Variants in RASGRF1 observed in about 807,000 individuals in gnomAD.
RASGRF1 encodes ras-specific guanine nucleotide-releasing factor 1.
RASGRF1 carries 40 observed loss-of-function variants against 138.7 expected under a neutral mutation model. That is an observed-to-expected ratio of 0.29 (90% CI 0.22 to 0.38). RASGRF1 has a LOEUF of 0.38. RASGRF1 is among the 10% of genes least tolerant of loss of function. RASGRF1 has a pLI of 1.00. For missense variants in RASGRF1, 1,108 were observed against 1,650.4 expected (o/e 0.67, Z 5.69); for synonymous variants, 614 against 663.2 (o/e 0.93, Z 1.14).
At chr15:79,047,961 C>T (rs757759012) in intron 4 of RASGRF1, among the ~76,000 whole-genome samples, 5 of 118,836 alleles carry the variant, frequency 4.2e-5, no homozygotes, top group African/African-American at 1.1e-4. Context: ...GAGGCCTGCC[C>T]GAGGCCCAAG....
intron 25 of RASGRF1, among the ~76,000 whole-genome samples, chr15:78,972,331 A>G (rs988114371): frequency 2.6e-5 from 4 of 151,290 alleles, no homozygotes; most frequent in African/African-American, 9.7e-5. Flanking sequence ...TCTGACCTCA[A>G]GTGATCCACC....
At chr15:79,028,578 G>A (rs901834057) in intron 8 of RASGRF1, among the ~76,000 whole-genome samples, 13 of 152,074 alleles carry the variant, frequency 8.5e-5, no homozygotes, top group African/African-American at 2.4e-4. Flanking sequence ...ACAAAATGGC[G>A]TTGGTGGGAA....
intron 1 of RASGRF1, among the ~76,000 whole-genome samples, chr15:79,069,178 A>C (rs2057721812): frequency 6.6e-6 from 1 of 152,144 alleles, no homozygotes; most frequent in South Asian, 2.1e-4. Context: ...CCTAGTACTG[A>C]GTGGATGCTG....
intron 10 of RASGRF1, among the ~76,000 whole-genome samples, chr15:79,021,707 T>C (rs1365639134): frequency 6.6e-6 from 1 of 152,200 alleles, no homozygotes; most frequent in East Asian, 1.9e-4. Flanking sequence ...CTGGCTGGGT[T>C]CAAATCCCAG....
chr15:78,978,110 G>C (rs1199213792), intron 24 of RASGRF1, among the ~76,000 whole-genome samples: 3 of 152,130 alleles, frequency 2.0e-5, no homozygotes, highest in African/African-American at 7.2e-5. Flanking sequence ...AGTGGCTAGT[G>C]GGGTGTTTGG....
chr15:79,064,573 CCAA>C (rs2057651671), intron 1 of RASGRF1, 47 bp from the exon 2 acceptor site: 1 of 1,553,838 alleles, frequency 6.4e-7, no homozygotes, highest in Non-Finnish European at 8.9e-7. Context: ...GTCCATGGGA[CCAA>C]CAACGACTCT....
intron 26 of RASGRF1, 104 bp downstream of exon 26, chr15:78,971,762 T>C (rs2055765181): frequency 8.2e-6 from 9 of 1,102,094 alleles, no homozygotes; most frequent in East Asian, 2.4e-5. Flanking sequence ...CTCGAGAGAA[T>C]TCTGGAAGGG....
At chr15:78,964,210 T>C (rs1011607088) in intron 26 of RASGRF1, among the ~76,000 whole-genome samples, 3 of 152,236 alleles carry the variant, frequency 2.0e-5, no homozygotes, top group East Asian at 1.9e-4. Context: ...ATTTCATTCT[T>C]GTCACCCAGG....
intron 6 of RASGRF1, among the ~76,000 whole-genome samples, chr15:79,034,410 A>C (rs2057189557): frequency 6.6e-6 from 1 of 152,252 alleles, no homozygotes; most frequent in South Asian, 2.1e-4. Context: ...AATATGTATG[A>C]AGCAAGAGCT....
chr15:78,994,398 A>AG (rs1567471092), intron 20 of RASGRF1, among the ~76,000 whole-genome samples: 1 of 152,210 alleles, frequency 6.6e-6, no homozygotes, highest in African/African-American at 2.4e-5. Context: ...CAGGGGCAGC[A>AG]GGGGCCCAGA....
chr15:79,004,096 G>A lies in RASGRF1; in HGVS notation c.2155C>T (p.Arg719Cys), dbSNP rs749995837. 21 of 1,613,832 alleles carry A rather than the reference G, an allele frequency of 1.3e-5. No individual in the cohort carries two copies. The East Asian group carries it at 1.6e-4, about 12-fold the overall frequency. ...AGAGGTGGCGGCGAGGAGAACTTGCGGGTGGCGCGCGGGGACTTGGGGGGT... is the reference window on the plus strand; with the variant it reads ...AGAGGTGGCGGCGAGGAGAACTTGCAGGTGGCGCGCGGGGACTTGGGGGGT... The part of the protein sequence containing the change: ...GEPPKSPRAT[R>C]KFSSPPPLSI... Residue 719 changes from arginine (R) to cysteine (C), a missense_variant, in exon 15 of 27, where the codon CGC becomes TGC. Physicochemically the swap from Arg to Cys is radical, Grantham distance 180. Coordinates refer to ENST00000558480, the MANE Select transcript of RASGRF1 (RefSeq NM_001145648.3).
At chr15:78,990,341 GC>G (rs1567461857) in intron 21 of RASGRF1, 68 bp from the exon 22 acceptor site, 24 of 1,090,792 alleles carry the variant, frequency 2.2e-5, no homozygotes, top group Non-Finnish European at 3.0e-5. Context: ...ATTGCTCCAT[GC>G]TTTTTATTTT....
chr15:79,081,128 G>A (rs780857360), intron 1 of RASGRF1, among the ~76,000 whole-genome samples: 2 of 152,224 alleles, frequency 1.3e-5, no homozygotes, highest in Non-Finnish European at 2.9e-5. Flanking sequence ...AAGCTTTCAC[G>A]GGATGAGAAT....
chr15:79,046,617 G>A lies in RASGRF1; in HGVS notation c.878+129C>T. 6.9e-7 allele frequency: 1 copy of A among 1,444,646 alleles called. No homozygotes were observed. Among genetic ancestry groups the A allele is most frequent in the Non-Finnish European group, 9.4e-7 (1 of 1,060,026 alleles). The allele number at this position is 1,444,646 out of a possible 1,614,324, so 89.5% of individuals were successfully genotyped here. The stretch of plus-strand genomic sequence containing the variant: ...GGTGGTTTCTAGCCACGTGATCTTG[G>A]GCACTTCTGTCCTCTCTGGGCCTCA... On this transcript the variant is annotated intron_variant, in intron 5 of 26. Transcript: ENST00000558480. This position sits in a 1 kb window ranked among gnomAD's most constrained non-coding sequence, Gnocchi z 5.3.
At chr15:79,068,033 A>G (rs72732673) in intron 1 of RASGRF1, among the ~76,000 whole-genome samples, 15,289 of 152,162 alleles carry the variant, frequency 0.1, 848 homozygotes, top group Admixed American at 0.14. Context: ...GTGGGGAAAA[A>G]AAAGGGAAAG....
intron 24 of RASGRF1, 112 bp downstream of exon 24, chr15:78,980,508 C>A (rs372368484): frequency 2.5e-6 from 2 of 795,370 alleles, no homozygotes; most frequent in African/African-American, 3.4e-5. Flanking sequence ...GGTAGACAGA[C>A]GAACAGACAG....
chr15:78,962,303 C>T (rs566655123), intron 26 of RASGRF1, 67 bp from the exon 27 acceptor site: 1 of 1,152,770 alleles, frequency 8.7e-7, no homozygotes, highest in Non-Finnish European at 1.3e-6. Flanking sequence ...ATTGTGGATG[C>T]ACTTTATCTC....
intron 23 of RASGRF1, among the ~76,000 whole-genome samples, chr15:78,983,228 T>TA (rs1478400847): frequency 1.3e-5 from 2 of 152,218 alleles, no homozygotes; most frequent in Non-Finnish European, 2.9e-5. Flanking sequence ...ACACAACTCT[T>TA]ACACGGCTGG....
intron 8 of RASGRF1, among the ~76,000 whole-genome samples, 153 bp downstream of exon 8, chr15:79,031,247 G>T (rs1167544677): frequency 6.6e-6 from 1 of 152,120 alleles, no homozygotes; most frequent in Non-Finnish European, 1.5e-5. Flanking sequence ...ACCACTCCAG[G>T]GGCCTCTGCT....
Sources: gnomAD v4.1 joint callset for allele counts (sites outside exome capture counted in the v4.1 genomes callset) on GRCh38, gnomAD v4.1.1 for gene constraint, Gnocchi (gnomAD v3.1) non-coding constraint, MANE v1.5 for transcripts, NCBI Gene and HGNC (gene_info 2026-07-23, HGNC 2026-07-21) for gene names.